ARL17A: variants seen among roughly 807,000 people sequenced by gnomAD.
The protein encoded by ARL17A is ADP-ribosylation factor-like 17-like.
intron 3 of ARL17A, among the ~76,000 whole-genome samples, chr17:46,541,115 T>C (rs2055231333): frequency 8.2e-6 from 1 of 122,390 alleles, no homozygotes; most frequent in Non-Finnish European, 1.6e-5. Flanking sequence ...TTGTAGGCAA[T>C]CCCATCCTCC....
At chr17:46,529,980 AGT>A (rs1393328684) in intron 4 of ARL17A, among the ~76,000 whole-genome samples, 11 of 139,998 alleles carry the variant, frequency 7.9e-5, no homozygotes, top group South Asian at 2.3e-4. Context: ...AAGGTTGGAG[AGT>A]GAGAGAATTT....
At chr17:46,551,422 G>C (rs1388538877), downstream of ARL17A, among the ~76,000 whole-genome samples, 19 of 149,802 alleles carry the variant, frequency 1.3e-4, no homozygotes, top group Non-Finnish European at 2.4e-4. Flanking sequence ...TATTGTGGCA[G>C]CCCTCCATTC....
At chr17:46,516,289 C>T (rs2051299325), downstream of ARL17A, among the ~76,000 whole-genome samples, 1 of 104,802 alleles carries the variant, frequency 9.5e-6, no homozygotes, top group Non-Finnish European at 2.2e-5. Flanking sequence ...GGCGACAGAG[C>T]AAGACTCCAT....
intron 3 of ARL17A, among the ~76,000 whole-genome samples, chr17:46,541,328 T>G (rs2055273467): frequency 6.7e-6 from 1 of 149,890 alleles, no homozygotes; most frequent in Admixed American, 6.6e-5. Context: ...CTAGGCTCAC[T>G]GCAACCTCCA....
intron 4 of ARL17A, among the ~76,000 whole-genome samples, chr17:46,530,399 T>C (rs1285180239): frequency 6.9e-6 from 1 of 144,992 alleles, no homozygotes; most frequent in Non-Finnish European, 1.5e-5. Context: ...ATCATCTTAT[T>C]GAATATTAGT....
chr17:46,558,224 T>C (rs1180709066), intron 3 of ARL17A, among the ~76,000 whole-genome samples: 62 of 82,376 alleles, frequency 7.5e-4, no homozygotes, highest in Middle Eastern at 6.3e-3. Context: ...CATGCCCGGC[T>C]AATTTTTGTA....
downstream of ARL17A, chr17:46,548,792 A>C (rs776891979): frequency 1.2e-6 from 2 of 1,611,878 alleles, no homozygotes; most frequent in Non-Finnish European, 1.7e-6. Context: ...GAACAGCCCC[A>C]CACACAGCAG....
At chr17:46,545,813 C>T (rs1003656478) in intron 3 of ARL17A, among the ~76,000 whole-genome samples, 10 of 149,382 alleles carry the variant, frequency 6.7e-5, no homozygotes, top group South Asian at 6.3e-4. Context: ...TTTTTAACTC[C>T]GCAATCCAGG....
downstream of ARL17A, among the ~76,000 whole-genome samples, chr17:46,525,665 A>G (rs1160566946): frequency 1.6e-5 from 2 of 122,040 alleles, no homozygotes; most frequent in East Asian, 2.4e-4. Context: ...CTTCACTACA[A>G]TTATGTAGGC....
At chr17:46,539,255 C>T (rs1392214981) in intron 3 of ARL17A, among the ~76,000 whole-genome samples, 4 of 101,366 alleles carry the variant, frequency 3.9e-5, no homozygotes, top group East Asian at 2.5e-4. Flanking sequence ...GCCCTCAAAG[C>T]GCTCATAGTC....
the ARL17A span, among the ~76,000 whole-genome samples, chr17:46,501,120 C>A: frequency 6.6e-6 from 1 of 151,306 alleles, no homozygotes; most frequent in African/African-American, 2.5e-5. Flanking sequence ...TAAATCCTGA[C>A]CTCAAGCAAT....
At position 46,553,378 on chromosome 17, in the gene ARL17A, A is replaced by T; in HGVS notation, c.*3978T>A. On this transcript the variant is annotated 3_prime_UTR_variant, in exon 4 of 4. Coordinates refer to ENST00000336125, the MANE Select transcript of ARL17A (RefSeq NM_001113738.2). ...GTGGTTGTTGTCATAGATAATCTTA[A>T]TTGCGTTTTCTTCTAAAACAGATAT... The T allele has an allele frequency of 6.2e-7, 1 of 1,609,486 alleles. No homozygotes were observed. Among genetic ancestry groups the T allele is most frequent in the South Asian group, 1.1e-5 (1 of 90,986 alleles).
At chr17:46,539,812 G>A (rs1349992745) in intron 3 of ARL17A, among the ~76,000 whole-genome samples, 1 of 144,084 alleles carries the variant, frequency 6.9e-6, no homozygotes, top group Non-Finnish European at 1.5e-5. Context: ...CTTGAATTAT[G>A]ATGAGCAACT....
chr17:46,534,215 TTA>T (rs1491129748), intron 4 of ARL17A, among the ~76,000 whole-genome samples: 1 of 148,784 alleles, frequency 6.7e-6, no homozygotes. Flanking sequence ...TAATTTTTTT[TTA>T]TTGATCATTC....
chr17:46,558,810 TC>T (rs1456799041), intron 3 of ARL17A: 2 of 127,744 alleles, frequency 1.6e-5, no homozygotes, highest in African/African-American at 6.2e-5. Flanking sequence ...TATATCAATC[TC>T]CCAGAAAAAG....
At chr17:46,501,464 C>A in the ARL17A span, among the ~76,000 whole-genome samples, 1 of 151,248 alleles carries the variant, frequency 6.6e-6, no homozygotes, top group East Asian at 1.9e-4. Flanking sequence ...TGTGGGCCAC[C>A]ACGCCTGACC....
At position 46,558,893 on chromosome 17, in the gene ARL17A, G is replaced by C. The variant is rs2667909; in HGVS notation, c.260-1263C>G. Reference sequence around the variant, plus strand: ...GGGCCTCACTTTGTTGCCCAGGCTGGTTTTGAACTCCTGGCCTCAAGTGAT... The same window carrying C: ...GGGCCTCACTTTGTTGCCCAGGCTGCTTTTGAACTCCTGGCCTCAAGTGAT... On this transcript the variant is annotated intron_variant, in intron 3 of 3. Transcript: ENST00000336125. 2.4e-4 allele frequency: 24 copies of C among 99,806 alleles called. 2 individuals carry two copies. Among genetic ancestry groups the C allele is most frequent in the Admixed American group, 2.4e-4 (2 of 8,452 alleles). The allele number at this position is 99,806 out of a possible 1,614,324, so 6.2% of individuals were successfully genotyped here.
At chr17:46,558,553 A>ATT (rs58227880) in intron 3 of ARL17A, among the ~76,000 whole-genome samples, 7 of 100,246 alleles carry the variant, frequency 7.0e-5, no homozygotes, top group African/African-American at 4.1e-5. Flanking sequence ...TGCCCGGCCA[A>ATT]TTTTTTTTTT....
downstream of ARL17A, among the ~76,000 whole-genome samples, chr17:46,551,086 G>A (rs1452438419): frequency 6.7e-6 from 1 of 149,958 alleles, no homozygotes; most frequent in Non-Finnish European, 1.5e-5. Flanking sequence ...TGGTGAGGGG[G>A]AACGTCTCAT....
Sources: allele counts gnomAD v4.1 joint callset (sites outside exome capture counted in the v4.1 genomes callset), GRCh38; gene constraint gnomAD v4.1.1; transcripts MANE v1.5; gene names NCBI Gene and HGNC (gene_info 2026-07-23, HGNC 2026-07-21).